The following ASCC3 variants were observed in gnomAD, a reference collection of about 807,000 sequenced individuals.
ASCC3 encodes the protein ASC-1 complex subunit P200.
ASCC3 carries 158 observed loss-of-function variants against 256.3 expected under a neutral mutation model. The ratio of observed to expected loss-of-function variants is 0.62; its 90% CI spans 0.54 to 0.70. The LOEUF is 0.70. Among genes scored for constraint, ASCC3 ranks in the 30% least tolerant of loss-of-function variants. The pLI is 0.00. For synonymous variants in ASCC3, 948 were observed against 883.4 expected (o/e 1.07, Z -1.30); for missense variants, 2,259 against 2,626.0 (o/e 0.86, Z 3.05).
At position 100,627,633 on chromosome 6, in the gene ASCC3, A is replaced by G. The variant is rs760725151; in HGVS notation, c.4599T>C (p.His1533=). The G allele has an allele frequency of 6.2e-7, 1 of 1,613,666 alleles. No individual in the cohort carries two copies. The highest frequency in any genetic ancestry group is 8.5e-7 in the Non-Finnish European group (1 of 1,179,740). The stretch of plus-strand genomic sequence containing the variant: ...TCATACTAGCCATACGAGGACAGTA[A>G]TGTTGACCTGGAAAGCCTTGAATGT... ...EVHIQGFPGQ[H]YCPRMASMNK... is the part of the protein sequence containing the mutation. The change falls in exon 29 of 42, where the codon CAT becomes CAC. Residue 1533 remains histidine (H), a synonymous_variant. Coordinates refer to ENST00000369162, the MANE Select transcript of ASCC3 (RefSeq NM_006828.4).
At chr6:100,777,405 G>A (rs1000878794) in intron 8 of ASCC3, among the ~76,000 whole-genome samples, 1 of 151,948 alleles carries the variant, frequency 6.6e-6, no homozygotes, top group Non-Finnish European at 1.5e-5. Context: ...GGCTTAAACT[G>A]TTCAAACACT....
chr6:100,735,612 T>C (rs1582782050), intron 10 of ASCC3, among the ~76,000 whole-genome samples: 1 of 152,248 alleles, frequency 6.6e-6, no homozygotes, highest in East Asian at 1.9e-4. Flanking sequence ...GTTTATCAAA[T>C]TTAAAATGCA....
intron 23 of ASCC3, among the ~76,000 whole-genome samples, chr6:100,643,015 A>G (rs1326893157): frequency 1.3e-5 from 2 of 152,184 alleles, no homozygotes; most frequent in African/African-American, 4.8e-5. Context: ...CAATTTGACT[A>G]CCTGAATTTC....
At chr6:100,868,246 G>C (rs1773572455) in intron 1 of ASCC3, among the ~76,000 whole-genome samples, 1 of 152,156 alleles carries the variant, frequency 6.6e-6, no homozygotes, top group Admixed American at 6.5e-5. Context: ...AAAGGAAAAA[G>C]AAACAAACAT....
At chr6:100,710,314 A>G (rs1283988408) in intron 13 of ASCC3, among the ~76,000 whole-genome samples, 2 of 152,152 alleles carry the variant, frequency 1.3e-5, no homozygotes, top group African/African-American at 4.8e-5. Flanking sequence ...AGCTGTGTGC[A>G]TTCTCCATTC....
intron 10 of ASCC3, among the ~76,000 whole-genome samples, chr6:100,756,578 G>T (rs1781189620): frequency 6.6e-6 from 1 of 152,036 alleles, no homozygotes. Flanking sequence ...AGTATAAAAA[G>T]ATGAGAAAAT....
chr6:100,610,529 G>C (rs1773340771), intron 30 of ASCC3, among the ~76,000 whole-genome samples: 1 of 151,524 alleles, frequency 6.6e-6, no homozygotes, highest in South Asian at 2.1e-4. Flanking sequence ...AATTACTAAG[G>C]TATTAAAAAA....
intron 10 of ASCC3, among the ~76,000 whole-genome samples, chr6:100,740,438 A>T (rs1780380071): frequency 6.6e-6 from 1 of 152,150 alleles, no homozygotes; most frequent in African/African-American, 2.4e-5. Flanking sequence ...TTCTGTAGAT[A>T]TCTATCTGGT....
chr6:100,512,387 T>C (rs1209629751), intron 40 of ASCC3, among the ~76,000 whole-genome samples: 1 of 152,186 alleles, frequency 6.6e-6, no homozygotes, highest in Non-Finnish European at 1.5e-5. Context: ...GAGGTTCTGA[T>C]TCAGCCAGTC....
chr6:100,879,404 C>A (rs946047705), intron 1 of ASCC3, among the ~76,000 whole-genome samples: 1 of 152,186 alleles, frequency 6.6e-6, no homozygotes, highest in Admixed American at 6.5e-5. Flanking sequence ...AAAGTCCCAA[C>A]CTTCTAATAA....
chr6:100,695,442 T>C (rs1778038288), intron 13 of ASCC3, among the ~76,000 whole-genome samples: 1 of 152,156 alleles, frequency 6.6e-6, no homozygotes, highest in South Asian at 2.1e-4. Context: ...TGTTGGAAGG[T>C]AATCCTCCCT....
At chr6:100,759,788 G>T (rs1781346310) in intron 10 of ASCC3, among the ~76,000 whole-genome samples, 1 of 152,134 alleles carries the variant, frequency 6.6e-6, no homozygotes, top group Non-Finnish European at 1.5e-5. Flanking sequence ...CTATCCATGG[G>T]GATGGAATGT....
intron 16 of ASCC3, among the ~76,000 whole-genome samples, chr6:100,661,323 T>TCACACACACACA (rs749963143): frequency 0.036 from 5,119 of 141,522 alleles, 118 homozygotes; most frequent in South Asian, 0.047. Context: ...AACACAAAAG[T>TCACACACACACA]CACACACACA....
intron 34 of ASCC3, among the ~76,000 whole-genome samples, chr6:100,600,401 C>G (rs1003710475): frequency 3.9e-5 from 6 of 152,076 alleles, no homozygotes; most frequent in African/African-American, 1.4e-4. Flanking sequence ...TTCCATGATT[C>G]TAATCCTGTA....
At chr6:100,550,452 C>T (rs572510995) in intron 36 of ASCC3, among the ~76,000 whole-genome samples, 127 of 152,012 alleles carry the variant, frequency 8.4e-4, no homozygotes, top group African/African-American at 3.0e-3. Context: ...AAATATGTTT[C>T]TAGTATTCAA....
chr6:100,802,672 T>C (rs1769975738), intron 5 of ASCC3, among the ~76,000 whole-genome samples: 1 of 151,956 alleles, frequency 6.6e-6, no homozygotes, highest in Admixed American at 6.6e-5. Context: ...GCTAGATTTG[T>C]ATTAAACTTT....
In ASCC3 at chr6:100,512,690, T is replaced by C. The variant is rs1436434489; in HGVS notation, c.6285+19A>G. 6.2e-7 allele frequency: 1 copy of C among 1,612,340 alleles called. No homozygotes were observed. Among genetic ancestry groups the C allele is most frequent in the Non-Finnish European group, 8.5e-7 (1 of 1,178,528 alleles). ...GTATTTGGTGTGAAATATTTGAGAATGGAAACCAAACACTATACCTTGTGG... is the reference window on the plus strand; with the variant it reads ...GTATTTGGTGTGAAATATTTGAGAACGGAAACCAAACACTATACCTTGTGG... On this transcript the variant is annotated intron_variant, in intron 40 of 41. Coordinates refer to ENST00000369162, the MANE Select transcript of ASCC3 (RefSeq NM_006828.4).
intron 37 of ASCC3, among the ~76,000 whole-genome samples, chr6:100,538,039 CATT>C (rs1446660475): frequency 6.6e-6 from 1 of 151,888 alleles, no homozygotes; most frequent in African/African-American, 2.4e-5. Context: ...GCTTTTGAAT[CATT>C]ATTGACTGAG....
At chr6:100,769,700 G>A (rs1781831924) in intron 8 of ASCC3, among the ~76,000 whole-genome samples, 1 of 151,638 alleles carries the variant, frequency 6.6e-6, no homozygotes, top group African/African-American at 2.4e-5. Context: ...CCTCTGGGCA[G>A]ACTGATCAGG....
Sources: gnomAD v4.1 joint callset for allele counts (sites outside exome capture counted in the v4.1 genomes callset) on GRCh38, gnomAD v4.1.1 for gene constraint, MANE v1.5 for transcripts, NCBI Gene and HGNC (gene_info 2026-07-23, HGNC 2026-07-21) for gene names.